The following MAP3K5 variants were observed in gnomAD, a reference collection of about 807,000 sequenced individuals.
The protein encoded by MAP3K5 is mitogen-activated protein kinase kinase kinase 5.
A neutral mutation model predicts 158.7 loss-of-function variants in MAP3K5; 56 were observed. That is an observed-to-expected ratio of 0.35 (90% CI 0.28 to 0.44). MAP3K5 has a LOEUF of 0.44. Ranked by LOEUF, MAP3K5 falls within the 20% of genes least tolerant of loss-of-function variation. The probability of loss-of-function intolerance (pLI) is 1.00; values close to 1 mark genes in which losing one functional copy is unlikely to be tolerated. For missense variants in MAP3K5, 1,294 were observed against 1,674.8 expected, an observed-to-expected ratio of 0.77 and a Z score of 3.97; for synonymous variants, 579 against 601.7, an observed-to-expected ratio of 0.96 and a Z score of 0.55.
At chr6:136,697,439 T>C (rs1780649030) in intron 4 of MAP3K5, 52 bp from the exon 5 acceptor site, 3 of 1,423,718 alleles carry the variant, frequency 2.1e-6, no homozygotes, top group Non-Finnish European at 2.9e-6. Context: ...ACAATTTCAA[T>C]GAAAAGCAAT....
At chr6:136,684,068 C>T (rs1780043923) in intron 7 of MAP3K5, among the ~76,000 whole-genome samples, 1 of 151,934 alleles carries the variant, frequency 6.6e-6, no homozygotes, top group Non-Finnish European at 1.5e-5. Context: ...CCCATCTCTA[C>T]AAAAAATAAA....
intron 3 of MAP3K5, among the ~76,000 whole-genome samples, chr6:136,702,375 G>A (rs1462283525): frequency 6.6e-6 from 1 of 152,058 alleles, no homozygotes; most frequent in African/African-American, 2.4e-5. Context: ...TAATAGCATG[G>A]GAACATTTAT....
chr6:136,598,139 C>T (rs1228167745), intron 21 of MAP3K5, among the ~76,000 whole-genome samples: 1 of 152,232 alleles, frequency 6.6e-6, no homozygotes, highest in African/African-American at 2.4e-5. Flanking sequence ...CATCATCCCT[C>T]CCCTTTTACT....
At chr6:136,769,311 G>A (rs890100743) in intron 1 of MAP3K5, among the ~76,000 whole-genome samples, 2 of 152,114 alleles carry the variant, frequency 1.3e-5, no homozygotes, top group East Asian at 1.9e-4. Context: ...GCAAATTTAC[G>A]GAGACAGCAG....
intron 15 of MAP3K5, among the ~76,000 whole-genome samples, chr6:136,622,396 T>A (rs903294762): frequency 1.1e-4 from 16 of 152,138 alleles, no homozygotes; most frequent in African/African-American, 3.6e-4. Context: ...CTCTCCAATT[T>A]CAGGGGCAGC....
intron 1 of MAP3K5, among the ~76,000 whole-genome samples, chr6:136,733,886 A>G (rs1173192426): frequency 6.6e-6 from 1 of 152,210 alleles, no homozygotes; most frequent in African/African-American, 2.4e-5. Context: ...CATGATATGT[A>G]TCTACCACTA....
At chr6:136,712,624 G>A (rs1417496210) in intron 2 of MAP3K5, among the ~76,000 whole-genome samples, 5 of 152,160 alleles carry the variant, frequency 3.3e-5, no homozygotes, top group East Asian at 1.9e-4. Context: ...AAAGTTGGAG[G>A]TATAGTGAAT....
At chr6:136,746,861 G>C (rs890954798) in intron 1 of MAP3K5, among the ~76,000 whole-genome samples, 5 of 152,178 alleles carry the variant, frequency 3.3e-5, no homozygotes, top group African/African-American at 1.2e-4. Flanking sequence ...TACACTTCTT[G>C]TTAGAATATT....
In MAP3K5 at chr6:136,614,145, GAAATA is replaced by G; in HGVS notation, c.2278+9_2278+13del. On this transcript the variant is annotated intron_variant, in intron 16 of 29. Coordinates refer to ENST00000359015, the MANE Select transcript of MAP3K5 (RefSeq NM_005923.4). ...TAAACATTCACACTTTTTAAAGAAA[GAAATA>G]TCTCTTACCTCCAGGGACCTGCTCC... 2 of 1,607,664 alleles carry G rather than the reference GAAATA, an allele frequency of 1.2e-6. No homozygotes were observed. Among genetic ancestry groups the G allele is most frequent in the South Asian group, 2.2e-5 (2 of 90,514 alleles).
At chr6:136,579,977 A>G (rs1774797522) in intron 25 of MAP3K5, 1 of 425,704 alleles carries the variant, frequency 2.3e-6, no homozygotes, top group Admixed American at 2.9e-5. Flanking sequence ...ACCACTGGGT[A>G]AAAGATGTAG....
intron 1 of MAP3K5, among the ~76,000 whole-genome samples, chr6:136,750,329 C>A (rs1487670623): frequency 6.6e-6 from 1 of 152,178 alleles, no homozygotes; most frequent in Non-Finnish European, 1.5e-5. Context: ...CTGCCTGCCT[C>A]GGCCTCCCAA....
chr6:136,576,466 T>C (rs1438589069), intron 25 of MAP3K5, among the ~76,000 whole-genome samples: 1 of 152,070 alleles, frequency 6.6e-6, no homozygotes, highest in Non-Finnish European at 1.5e-5. Flanking sequence ...CCACTATGTC[T>C]GCCTAATTTA....
chr6:136,765,651 T>C (rs1047175910), intron 1 of MAP3K5, among the ~76,000 whole-genome samples: 4 of 151,556 alleles, frequency 2.6e-5, no homozygotes, highest in Non-Finnish European at 4.4e-5. Flanking sequence ...TAGCTGGGAT[T>C]ACAAGTGCCC....
intron 2 of MAP3K5, among the ~76,000 whole-genome samples, chr6:136,716,289 A>G (rs1781526111): frequency 6.6e-6 from 1 of 152,100 alleles, no homozygotes; most frequent in Non-Finnish European, 1.5e-5. Flanking sequence ...TCCCACCAGC[A>G]GTGTGTAGGT....
At position 136,561,475 on chromosome 6, in the gene MAP3K5, C is replaced by A. The variant is rs1830510078; in HGVS notation, c.3987+58G>T. 14 of 1,265,504 alleles carry A rather than the reference C, an allele frequency of 1.1e-5. No individual in the cohort carries two copies. In the South Asian group the frequency reaches 1.4e-4, roughly 13 times the overall value. 78.4% of individuals were successfully genotyped at this position (1,265,504 alleles called of 1,614,324 possible). ...TCCCCTGTGCCTGTCACATAGCAGG[C>A]ACCCAACATTATGAAACGAAGTGAA... On this transcript the variant is annotated intron_variant, in intron 28 of 29. Coordinates refer to ENST00000359015, the MANE Select transcript of MAP3K5 (RefSeq NM_005923.4).
intron 7 of MAP3K5, among the ~76,000 whole-genome samples, chr6:136,677,618 G>A (rs779233862): frequency 6.6e-6 from 1 of 152,194 alleles, no homozygotes; most frequent in Non-Finnish European, 1.5e-5. Context: ...CAGCCTGAAG[G>A]AGCAGCCTTC....
intron 2 of MAP3K5, among the ~76,000 whole-genome samples, chr6:136,707,823 A>C (rs1010491081): frequency 6.6e-6 from 1 of 152,210 alleles, no homozygotes; most frequent in African/African-American, 2.4e-5. Flanking sequence ...ATAATCTAAA[A>C]ACTAGTTGAA....
chr6:136,698,495 C>G lies in MAP3K5; in HGVS notation c.800G>C (p.Ser267Thr). 1 of 1,613,140 alleles carries G rather than the reference C, an allele frequency of 6.2e-7. No individual in the cohort carries two copies. Among genetic ancestry groups the G allele is most frequent in the African/African-American group, 1.3e-5 (1 of 75,020 alleles). ...ATTATTAATTAAACTTTACCTAGAA[C>G]TTGCTTGTGCCACCTTCAAAAGTTG... is the stretch of plus-strand genomic sequence containing the variant. ...FIQLLKVAQA[S>T]SSQYFRESIL... The change falls in exon 4 of 30, where the codon AGT becomes ACT. Residue 267 changes from serine to threonine, a missense_variant. By Grantham distance (58) the Ser-to-Thr change is moderately conservative. Transcript: ENST00000359015.
chr6:136,696,011 G>A lies in MAP3K5; in HGVS notation c.1022C>T (p.Pro341Leu), dbSNP rs374567494. Residue 341 changes from proline (P) to leucine (L), a missense_variant, in exon 6 of 30, where the codon CCA (proline) becomes CTA (leucine). Physicochemically the swap from Pro to Leu is moderately conservative, Grantham distance 98. This residue lies in a region of MAP3K5 where 690 missense variants were observed against 870.5 expected (regional missense o/e 0.79). Coordinates refer to ENST00000359015, the MANE Select transcript of MAP3K5 (RefSeq NM_005923.4). ...VKLVETLEKL[P>L]TFDLASHHHV... Reference sequence around the variant, plus strand: ...GTGATGGGAGGCCAAATCAAAGGTTGGCAGTTTTTCTAAAGTCTCTACCAG... The same window carrying A: ...GTGATGGGAGGCCAAATCAAAGGTTAGCAGTTTTTCTAAAGTCTCTACCAG... The A allele has an allele frequency of 1.2e-6, 2 of 1,613,646 alleles. No individual in the cohort carries two copies. The highest frequency in any genetic ancestry group is 1.7e-6 in the Non-Finnish European group (2 of 1,179,744).
Sources: gnomAD v4.1 joint callset for allele counts (sites outside exome capture counted in the v4.1 genomes callset) on GRCh38, gnomAD v4.1.1 for gene constraint, gnomAD v4.1.1 regional missense constraint, MANE v1.5 for transcripts, NCBI Gene and HGNC (gene_info 2026-07-23, HGNC 2026-07-21) for gene names.